The following PICALM variants were observed in gnomAD, a reference collection of about 807,000 sequenced individuals.
The protein encoded by PICALM is phosphatidylinositol-binding clathrin assembly protein.
A neutral mutation model predicts 80.5 loss-of-function variants in PICALM; 40 were observed. The ratio of observed to expected loss-of-function variants is 0.50; its 90% CI spans 0.39 to 0.65. PICALM has a LOEUF of 0.65. PICALM is among the 30% of genes least tolerant of loss of function. The probability of loss-of-function intolerance (pLI) is 0.00; values close to 1 mark genes in which losing one functional copy is unlikely to be tolerated. For missense variants in PICALM, 676 were observed against 778.9 expected (o/e 0.87, Z 1.57); for synonymous variants, 288 against 260.3 (o/e 1.11, Z -1.02).
At chr11:86,060,779 A>C (rs1402504107) in intron 1 of PICALM, among the ~76,000 whole-genome samples, 1 of 152,178 alleles carries the variant, frequency 6.6e-6, no homozygotes, top group Non-Finnish European at 1.5e-5. Flanking sequence ...TACACTCACA[A>C]AAATTAACTC....
intron 1 of PICALM, among the ~76,000 whole-genome samples, chr11:86,039,930 G>A (rs1237496175): frequency 6.6e-6 from 1 of 151,140 alleles, no homozygotes; most frequent in Non-Finnish European, 1.5e-5. Context: ...CATGAACCCG[G>A]GTGGCGGAGC....
intron 7 of PICALM, among the ~76,000 whole-genome samples, chr11:86,008,163 A>G (rs1387355324): frequency 6.6e-6 from 1 of 152,166 alleles, no homozygotes; most frequent in Non-Finnish European, 1.5e-5. Context: ...CATGATGCTC[A>G]GGCCCTAGGC....
chr11:85,995,070 T>TA (rs972991728), intron 12 of PICALM, among the ~76,000 whole-genome samples: 1 of 151,930 alleles, frequency 6.6e-6, no homozygotes, highest in African/African-American at 2.4e-5. Flanking sequence ...TTTTAAAAAT[T>TA]AAAAAAAATA....
intron 1 of PICALM, among the ~76,000 whole-genome samples, chr11:86,059,023 CTAAA>C (rs2096313228): frequency 6.6e-6 from 1 of 152,168 alleles, no homozygotes; most frequent in South Asian, 2.1e-4. Context: ...CTAAACAAAA[CTAAA>C]TAAGCCTCTT....
At chr11:86,041,955 T>C (rs2095977755) in intron 1 of PICALM, among the ~76,000 whole-genome samples, 1 of 152,028 alleles carries the variant, frequency 6.6e-6, no homozygotes, top group Non-Finnish European at 1.5e-5. Flanking sequence ...AAAGAGTTGT[T>C]CCTCCCCCCT....
At chr11:86,011,679 T>C (rs2095396262) in intron 6 of PICALM, among the ~76,000 whole-genome samples, 1 of 152,156 alleles carries the variant, frequency 6.6e-6, no homozygotes, top group South Asian at 2.1e-4. Flanking sequence ...AAAGCATCCC[T>C]GAGTAAGTCC....
At chr11:86,016,729 A>G (rs1262356298) in intron 4 of PICALM, among the ~76,000 whole-genome samples, 1 of 152,164 alleles carries the variant, frequency 6.6e-6, no homozygotes, top group Non-Finnish European at 1.5e-5. Flanking sequence ...AATACTCAAC[A>G]TTGCCAGCAA....
intron 1 of PICALM, among the ~76,000 whole-genome samples, chr11:86,061,330 C>CAA (rs58836221): frequency 0.023 from 1,890 of 80,826 alleles, 93 homozygotes; most frequent in African/African-American, 0.043. Flanking sequence ...GACTCCATCT[C>CAA]AAAAAAAAAA....
intron 16 of PICALM, 148 bp downstream of exon 16, chr11:85,981,597 A>T (rs2094444374): frequency 6.2e-6 from 4 of 642,584 alleles, no homozygotes; most frequent in African/African-American, 1.9e-5. Context: ...ACAGAGCGAG[A>T]CTCCGTGTCA....
At chr11:86,015,855 C>G (rs1036929694) in intron 4 of PICALM, among the ~76,000 whole-genome samples, 1 of 152,180 alleles carries the variant, frequency 6.6e-6, no homozygotes, top group Admixed American at 6.5e-5. Context: ...GGCTGTTCTA[C>G]CCTACGATAA....
At chr11:86,056,891 T>C (rs1284435660) in intron 1 of PICALM, among the ~76,000 whole-genome samples, 1 of 152,118 alleles carries the variant, frequency 6.6e-6, no homozygotes, top group Non-Finnish European at 1.5e-5. Flanking sequence ...TTTAAAACAT[T>C]ATAACTGAAA....
chr11:86,045,450 A>C (rs758638479), intron 1 of PICALM, among the ~76,000 whole-genome samples: 1 of 146,708 alleles, frequency 6.8e-6, no homozygotes, highest in Admixed American at 6.9e-5. Context: ...TGTAGTATGC[A>C]ATGATGACAA....
rs554294532 is a variant in PICALM, at chr11:86,009,162, G to A, written c.766-1579C>T. ...TCTAAAATTAGCTGGGCGTGGTGGCGGGCACCTGTAATCCCAGCTACCCAG... is the reference window on the plus strand; with the variant it reads ...TCTAAAATTAGCTGGGCGTGGTGGCAGGCACCTGTAATCCCAGCTACCCAG... On this transcript the variant is annotated intron_variant, in intron 7 of 19. Transcript: ENST00000393346. 2.9e-4 allele frequency among the ~76,000 whole-genome samples: 43 copies of A among 149,470 alleles called. 1 individual carries two copies. Among genetic ancestry groups the A allele is most frequent in the African/African-American group, 9.8e-4 (40 of 40,738 alleles).
At chr11:85,996,473 A>T (rs2094964917) in intron 12 of PICALM, among the ~76,000 whole-genome samples, 1 of 146,978 alleles carries the variant, frequency 6.8e-6, no homozygotes, top group African/African-American at 2.5e-5. Flanking sequence ...CCCAAAAGTT[A>T]AAAAAAAAAA....
chr11:86,003,663 A>T (rs2095207309), intron 8 of PICALM: 1 of 369,548 alleles, frequency 2.7e-6, no homozygotes, highest in South Asian at 1.1e-4. Flanking sequence ...CATTATCAAA[A>T]ACGTTAAGAA....
chr11:86,006,825 T>G, intron 8 of PICALM, among the ~76,000 whole-genome samples: 1 of 152,168 alleles, frequency 6.6e-6, no homozygotes, highest in East Asian at 1.9e-4. Flanking sequence ...GGTATGAAGT[T>G]TTTTCCTAGA....
chr11:85,995,632 T>C (rs2094935665), intron 12 of PICALM, among the ~76,000 whole-genome samples: 1 of 152,176 alleles, frequency 6.6e-6, no homozygotes, highest in African/African-American at 2.4e-5. Flanking sequence ...TCAGCCTTAG[T>C]TTTAAAAAGA....
chr11:85,976,812 T>G (rs1051030865), intron 17 of PICALM, 130 bp from the exon 18 acceptor site: 8 of 616,572 alleles, frequency 1.3e-5, no homozygotes, highest in African/African-American at 1.3e-4. Flanking sequence ...ACACTTGTGA[T>G]CATTAAGAAC....
At position 85,957,240 on chromosome 11, in the gene PICALM, C is replaced by A. The variant is rs533645155; in HGVS notation, c.*1806G>T. ...TGATAAAATTTATTGGCTACGACTACATTTTTTCTCCAATCACAGCAAATA... is the reference window on the plus strand; with the variant it reads ...TGATAAAATTTATTGGCTACGACTAAATTTTTTCTCCAATCACAGCAAATA... On this transcript the variant is annotated 3_prime_UTR_variant, in exon 20 of 20. Transcript: ENST00000393346. Among the ~76,000 whole-genome samples, 1 of 152,194 alleles carries A rather than the reference C, an allele frequency of 6.6e-6. No homozygotes were observed. The highest frequency in any genetic ancestry group is 6.5e-5 in the Admixed American group (1 of 15,286).
Sources: allele counts gnomAD v4.1 joint callset (sites outside exome capture counted in the v4.1 genomes callset), GRCh38; gene constraint gnomAD v4.1.1; transcripts MANE v1.5; gene names NCBI Gene and HGNC (gene_info 2026-07-23, HGNC 2026-07-21).